Variants in PLCH1 observed in about 807,000 individuals in gnomAD.
PLCH1 encodes 1-phosphatidylinositol 4,5-bisphosphate phosphodiesterase eta-1.
PLCH1 carries 60 observed loss-of-function variants against 126.7 expected under a neutral mutation model. That is an observed-to-expected ratio of 0.47 (90% CI 0.38 to 0.59). PLCH1 has a LOEUF of 0.59. PLCH1 is among the 20% of genes least tolerant of loss of function. PLCH1 has a pLI of 0.00. For missense variants in PLCH1, 1,723 were observed against 2,040.0 expected (o/e 0.84, Z 2.99); for synonymous variants, 719 against 734.9 (o/e 0.98, Z 0.35).
chr3:155,702,790 AT>A (rs1746370233), intron 2 of PLCH1, among the ~76,000 whole-genome samples: 1 of 152,216 alleles, frequency 6.6e-6, no homozygotes, highest in African/African-American at 2.4e-5. Flanking sequence ...CATATTTACT[AT>A]TTTTTAATAC....
intron 4 of PLCH1, among the ~76,000 whole-genome samples, chr3:155,593,198 G>A (rs1252296373): frequency 6.6e-6 from 1 of 152,162 alleles, no homozygotes; most frequent in African/African-American, 2.4e-5. Context: ...GAGTCAACTA[G>A]CCTTATACCC....
chr3:155,661,681 C>G (rs1742166766), intron 2 of PLCH1, among the ~76,000 whole-genome samples: 1 of 152,114 alleles, frequency 6.6e-6, no homozygotes, highest in African/African-American at 2.4e-5. Flanking sequence ...GGTCTCTCCC[C>G]CTTTCCTCTC....
chr3:155,724,552 A>C (rs1748172895), intron 1 of PLCH1, among the ~76,000 whole-genome samples: 1 of 152,142 alleles, frequency 6.6e-6, no homozygotes, highest in African/African-American at 2.4e-5. Context: ...CTGATATAAC[A>C]GTAGCTACTC....
At chr3:155,662,217 C>T (rs1742243054) in intron 2 of PLCH1, among the ~76,000 whole-genome samples, 1 of 152,090 alleles carries the variant, frequency 6.6e-6, no homozygotes, top group East Asian at 1.9e-4. Context: ...CTTTGGGAGG[C>T]CAAGGTGGGA....
chr3:155,633,389 C>T (rs12488087), intron 2 of PLCH1, among the ~76,000 whole-genome samples: 43,597 of 148,638 alleles, frequency 0.29, 7,030 homozygotes, highest in East Asian at 0.44. Flanking sequence ...TTCACTGTTT[C>T]TTTCAGCACT....
At chr3:155,679,121 G>A (rs1015456877) in intron 2 of PLCH1, among the ~76,000 whole-genome samples, 4 of 152,114 alleles carry the variant, frequency 2.6e-5, no homozygotes, top group African/African-American at 9.7e-5. Flanking sequence ...GTCAGTTATG[G>A]GTAGGGTTGT....
At chr3:155,629,005 A>C (rs1189145081) in intron 2 of PLCH1, among the ~76,000 whole-genome samples, 1 of 152,224 alleles carries the variant, frequency 6.6e-6, no homozygotes, top group Non-Finnish European at 1.5e-5. Flanking sequence ...ACCTGGATTT[A>C]AATCCTGGAG....
intron 2 of PLCH1, among the ~76,000 whole-genome samples, chr3:155,681,720 T>C (rs1378504212): frequency 2.0e-5 from 3 of 152,218 alleles, no homozygotes; most frequent in African/African-American, 7.2e-5. Context: ...AATGTAGCTA[T>C]GCAAACACAT....
intron 2 of PLCH1, among the ~76,000 whole-genome samples, chr3:155,701,900 T>C (rs1279642960): frequency 1.3e-5 from 2 of 152,168 alleles, no homozygotes; most frequent in Non-Finnish European, 2.9e-5. Context: ...GGCAAGGAAA[T>C]CCAAAATGAT....
chr3:155,480,839 A>G lies in PLCH1; in HGVS notation c.*129T>C. The G allele has an allele frequency of 2.5e-6, 2 of 796,220 alleles. No homozygotes were observed. Among genetic ancestry groups the G allele is most frequent in the East Asian group, 2.5e-5 (1 of 40,618 alleles). The allele number at this position is 796,220 out of a possible 1,614,324, so 49.3% of individuals were successfully genotyped here. On this transcript the variant is annotated 3_prime_UTR_variant, in exon 23 of 23. Coordinates refer to ENST00000460012, the MANE Select transcript of PLCH1 (RefSeq NM_014996.4). ...ATTAACAGGGAGAACACATGAAGTC[A>G]AAGGGAGACCCAAATACAAGTTTAA... is the stretch of plus-strand genomic sequence containing the variant.
At chr3:155,498,419 T>C (rs1717391768) in intron 14 of PLCH1, among the ~76,000 whole-genome samples, 1 of 152,192 alleles carries the variant, frequency 6.6e-6, no homozygotes, top group African/African-American at 2.4e-5. Context: ...GGGACTATTG[T>C]AATGTGGTTT....
At chr3:155,594,866 T>C (rs1732753990) in intron 3 of PLCH1, among the ~76,000 whole-genome samples, 4 of 152,218 alleles carry the variant, frequency 2.6e-5, no homozygotes, top group Admixed American at 1.3e-4. Flanking sequence ...TGCAAAGACC[T>C]AGAGTGGACT....
At chr3:155,635,409 C>T (rs186075892) in intron 2 of PLCH1, among the ~76,000 whole-genome samples, 125 of 152,320 alleles carry the variant, frequency 8.2e-4, no homozygotes, top group Non-Finnish European at 1.5e-3. Flanking sequence ...CAGCCACAGC[C>T]TCCAATGGTT....
chr3:155,720,577 T>C (rs1435839166), intron 1 of PLCH1, among the ~76,000 whole-genome samples: 1 of 152,190 alleles, frequency 6.6e-6, no homozygotes, highest in Non-Finnish European at 1.5e-5. Context: ...ATTTGTTTTT[T>C]TCTTGATGAT....
chr3:155,706,705 C>G (rs1746701303), intron 1 of PLCH1, among the ~76,000 whole-genome samples: 1 of 151,916 alleles, frequency 6.6e-6, no homozygotes, highest in Non-Finnish European at 1.5e-5. Flanking sequence ...ATGGGCTGGA[C>G]TCAGTGACTC....
At chr3:155,483,109 A>G (rs1478901564) in intron 22 of PLCH1, 58 bp from the exon 23 acceptor site, 2 of 1,435,000 alleles carry the variant, frequency 1.4e-6, no homozygotes, top group East Asian at 4.5e-5. Flanking sequence ...GGACCTGCAA[A>G]CACTCATGTT....
At chr3:155,519,514 C>T (rs1417185719) in intron 11 of PLCH1, among the ~76,000 whole-genome samples, 2 of 152,078 alleles carry the variant, frequency 1.3e-5, no homozygotes, top group Non-Finnish European at 2.9e-5. Context: ...TCATTCCAGA[C>T]TGGGAAGATC....
chr3:155,628,606 G>T (rs1271672757), intron 2 of PLCH1, among the ~76,000 whole-genome samples: 1 of 148,902 alleles, frequency 6.7e-6, no homozygotes, highest in Admixed American at 6.7e-5. Context: ...AGGCTCCTGT[G>T]TCACATAAAA....
intron 1 of PLCH1, among the ~76,000 whole-genome samples, chr3:155,718,259 G>T (rs1272052468): frequency 1.3e-5 from 2 of 151,968 alleles, no homozygotes; most frequent in East Asian, 3.9e-4. Context: ...TACCATTTTG[G>T]TCACAACAAT....
Sources: allele counts gnomAD v4.1 joint callset (sites outside exome capture counted in the v4.1 genomes callset), GRCh38; gene constraint gnomAD v4.1.1; transcripts MANE v1.5; gene names NCBI Gene and HGNC (gene_info 2026-07-23, HGNC 2026-07-21).